Variants in TMEM178B observed in about 807,000 individuals in gnomAD.
The protein encoded by TMEM178B is transmembrane protein 178B.
In TMEM178B, 5 loss-of-function variants were observed where a neutral mutation model predicts 31.0. That is an observed-to-expected ratio of 0.16 (90% confidence interval 0.08 to 0.34). TMEM178B has a LOEUF of 0.34. TMEM178B is among the 10% of genes least tolerant of loss of function. The pLI, the probability that TMEM178B is intolerant of heterozygous loss-of-function variation, is 1.00. For missense variants in TMEM178B, 275 were observed against 400.3 expected (o/e 0.69, Z 2.67); for synonymous variants, 164 against 164.0 (o/e 1.00, Z 0.00).
At chr7:141,342,740 G>A (rs982006378) in intron 2 of TMEM178B, among the ~76,000 whole-genome samples, 5 of 152,018 alleles carry the variant, frequency 3.3e-5, no homozygotes, top group South Asian at 4.1e-4. Context: ...TTTTTGTTCC[G>A]TTCGAGTTTC....
chr7:141,479,071 T>C lies in TMEM178B; in HGVS notation c.*8285T>C, dbSNP rs1319004685. On this transcript the variant is annotated 3_prime_UTR_variant, in exon 4 of 4. Coordinates refer to ENST00000565468, the MANE Select transcript of TMEM178B (RefSeq NM_001195278.2). ...GAGGGTGTCGGCGCTGCCCCAGTCA[T>C]GTCCCTTATGACCTGTCCAAGTCCT... 1.3e-5 allele frequency: 2 copies of C among 152,244 alleles called. No individual in the cohort carries two copies. 9.4% of individuals were successfully genotyped at this position (152,244 alleles called of 1,614,324 possible). A position where few individuals can be genotyped will look rare whatever the true frequency, so the allele number is the denominator to read the frequency against.
intron 2 of TMEM178B, among the ~76,000 whole-genome samples, chr7:141,250,407 G>T (rs1348811907): frequency 6.6e-6 from 1 of 152,184 alleles, no homozygotes; most frequent in Non-Finnish European, 1.5e-5. Context: ...GGAAGGATTC[G>T]AACTGGGCAG....
chr7:141,127,881 GT>G (rs1249109587), intron 1 of TMEM178B, among the ~76,000 whole-genome samples: 1 of 152,076 alleles, frequency 6.6e-6, no homozygotes, highest in Admixed American at 6.6e-5. Context: ...AGAATTTCAA[GT>G]TTTAGGTTCA....
chr7:141,412,326 G>A (rs1050085146), intron 2 of TMEM178B, among the ~76,000 whole-genome samples: 8 of 152,176 alleles, frequency 5.3e-5, no homozygotes, highest in African/African-American at 1.4e-4. Flanking sequence ...GTGCAGGAAC[G>A]AAGTGTAAAA....
the TMEM178B span, among the ~76,000 whole-genome samples, chr7:141,491,151 C>T: frequency 5.3e-5 from 8 of 152,148 alleles, no homozygotes; most frequent in Non-Finnish European, 1.2e-4. Flanking sequence ...CCTCAGCCTC[C>T]TGAGTAGCTG....
chr7:141,373,742 C>A (rs972888343), intron 2 of TMEM178B, among the ~76,000 whole-genome samples: 1 of 152,184 alleles, frequency 6.6e-6, no homozygotes, highest in African/African-American at 2.4e-5. Flanking sequence ...GCCAACATTG[C>A]CCATAGCTGG....
chr7:141,163,661 A>G (rs1030895885), intron 1 of TMEM178B, among the ~76,000 whole-genome samples: 5 of 151,734 alleles, frequency 3.3e-5, no homozygotes, highest in African/African-American at 1.2e-4. Context: ...ATTACAGGTG[A>G]GCGCCATCAA....
chr7:141,321,371 G>T (rs1376400407), intron 2 of TMEM178B, among the ~76,000 whole-genome samples: 1 of 152,194 alleles, frequency 6.6e-6, no homozygotes. Context: ...ACACCTGTGT[G>T]CACAGTAGGA....
At chr7:141,137,081 G>T (rs2129178512) in intron 1 of TMEM178B, among the ~76,000 whole-genome samples, 1 of 152,228 alleles carries the variant, frequency 6.6e-6, no homozygotes, top group African/African-American at 2.4e-5. Context: ...GGGGGGATGT[G>T]GAGAAAAGGG....
At chr7:141,391,184 T>C (rs1800531666) in intron 2 of TMEM178B, among the ~76,000 whole-genome samples, 1 of 151,990 alleles carries the variant, frequency 6.6e-6, no homozygotes, top group Non-Finnish European at 1.5e-5. Context: ...GCTTTTTTTT[T>C]GAGACAGAGT....
intron 2 of TMEM178B, among the ~76,000 whole-genome samples, chr7:141,215,781 T>C (rs78273083): frequency 0.083 from 3,230 of 38,750 alleles, 84 homozygotes; most frequent in East Asian, 0.26. Flanking sequence ...TACTTTCCTT[T>C]CTTTCTTTCT....
rs1466367960 is a variant in TMEM178B at position 141,473,486 on chromosome 7, T to G, written c.*2700T>G. Reference sequence around the variant, plus strand: ...AGGATGCTGGCTCACAGACCTATCATTATTTATATCCTCTTTTTAAAAAAA... The same window carrying G: ...AGGATGCTGGCTCACAGACCTATCAGTATTTATATCCTCTTTTTAAAAAAA... On this transcript the variant is annotated 3_prime_UTR_variant, in exon 4 of 4. Transcript: ENST00000565468. The G allele has an allele frequency of 6.6e-6, 1 of 152,214 alleles. No homozygotes were observed. The highest frequency in any genetic ancestry group is 1.9e-4 in the East Asian group (1 of 5,200). The allele number at this position is 152,214 out of a possible 1,614,324, so 9.4% of individuals were successfully genotyped here.
chr7:141,347,018 C>G (rs1586905623), intron 2 of TMEM178B, among the ~76,000 whole-genome samples: 1 of 152,206 alleles, frequency 6.6e-6, no homozygotes, highest in East Asian at 1.9e-4. Context: ...TGGTGCCTCC[C>G]CCTTGCTCTC....
rs567043245 is a variant in TMEM178B at position 141,198,145 on chromosome 7, A to AT, written c.383-14437dup. 3.8e-4 allele frequency among the ~76,000 whole-genome samples: 57 copies of AT among 151,460 alleles called. 1 individual carries two copies. The highest frequency in any genetic ancestry group is 4.6e-4 in the Admixed American group (7 of 15,194). ...AAAAGTGGAAAACTCAGTGATATGC[A>AT]TTTTTTTTTCCCTAGCTGAAACTAA... On this transcript the variant is annotated intron_variant, in intron 1 of 3. Coordinates refer to ENST00000565468, the MANE Select transcript of TMEM178B (RefSeq NM_001195278.2).
Position 141,344,622 on chromosome 7 carries a change from T to TCCTTCCTC in TMEM178B, c.497-92978_497-92971dup. Among the ~76,000 whole-genome samples the TCCTTCCTC allele has an allele frequency of 7.7e-6, 1 of 130,170 alleles. No homozygotes were observed. The highest frequency in any genetic ancestry group is 2.5e-4 in the South Asian group (1 of 3,974). The allele number at this position is 130,170 out of a possible 152,430, so 85.4% of individuals were successfully genotyped here. A position where few individuals can be genotyped will look rare whatever the true frequency, so the allele number is the denominator to read the frequency against. ...TTCCTTCCTTCCTTCCTTCCTTCCTTCCTTCCTCCCTTCCTTCTTCCCTTC... is the reference window on the plus strand; with the variant it reads ...TTCCTTCCTTCCTTCCTTCCTTCCTTCCTTCCTCCCTTCCTCCCTTCCTTCTTCCCTTC... On this transcript the variant is annotated intron_variant, in intron 2 of 3. Transcript: ENST00000565468. This position sits in a 1 kb window ranked among gnomAD's most constrained non-coding sequence, Gnocchi z 4.1.
chr7:141,124,319 A>G (rs1370500108), intron 1 of TMEM178B, among the ~76,000 whole-genome samples: 1 of 152,130 alleles, frequency 6.6e-6, no homozygotes, highest in Non-Finnish European at 1.5e-5. Context: ...GTGAGCCAAG[A>G]TCATGCCACT....
intron 1 of TMEM178B, among the ~76,000 whole-genome samples, chr7:141,117,300 A>C (rs1795334642): frequency 6.6e-6 from 1 of 152,100 alleles, no homozygotes. Flanking sequence ...TTTGTTGACC[A>C]CATAAATGTC....
chr7:141,147,102 G>T (rs1379330081), intron 1 of TMEM178B, among the ~76,000 whole-genome samples: 1 of 152,202 alleles, frequency 6.6e-6, no homozygotes, highest in Non-Finnish European at 1.5e-5. Context: ...GAGGGGTGCT[G>T]CTACTCCCCT....
In TMEM178B at chr7:141,146,219, A is replaced by G. The variant is rs907298771; in HGVS notation, c.383-66372A>G. On this transcript the variant is annotated intron_variant, in intron 1 of 3. Transcript: ENST00000565468. Reference sequence around the variant, plus strand: ...GGGTGTAGAGCCAGGATTTGAGTACAGAGTTAGGATTGGGTGCAAGTCCAC... The same window carrying G: ...GGGTGTAGAGCCAGGATTTGAGTACGGAGTTAGGATTGGGTGCAAGTCCAC... Among the ~76,000 whole-genome samples the G allele has an allele frequency of 3.9e-5, 6 of 152,336 alleles. No homozygotes were observed. In the East Asian group the frequency reaches 1.2e-3, roughly 29 times the overall value.
Sources: gnomAD v4.1 joint callset for allele counts (sites outside exome capture counted in the v4.1 genomes callset) on GRCh38, gnomAD v4.1.1 for gene constraint, Gnocchi (gnomAD v3.1) non-coding constraint, MANE v1.5 for transcripts, NCBI Gene and HGNC (gene_info 2026-07-23, HGNC 2026-07-21) for gene names.